CFAP299: variants seen among roughly 807,000 people sequenced by gnomAD.
CFAP299 encodes the protein cilia and flagella associated protein 299, also known as cilia- and flagella-associated protein 299.
Under a neutral mutation model 27.0 loss-of-function variants are expected in CFAP299, and 21 were observed. The observed-to-expected ratio is 0.78, with a 90% CI of 0.55 to 1.12. The LOEUF (loss-of-function observed/expected upper bound fraction) is 1.12. CFAP299 is among the 50% of genes most tolerant of loss of function. The pLI is 0.00. For missense variants in CFAP299, 310 were observed against 276.6 expected (o/e 1.12, Z -0.86); for synonymous variants, 104 against 98.1 (o/e 1.06, Z -0.36).
chr4:80,834,628 G>T (rs1046232065), intron 3 of CFAP299, among the ~76,000 whole-genome samples: 1 of 152,206 alleles, frequency 6.6e-6, no homozygotes, highest in African/African-American at 2.4e-5. Flanking sequence ...GAATTGCTAT[G>T]ATGGAAAAGG....
rs554371343 is a variant in CFAP299, at chr4:80,787,743, C to T, written c.334-82250C>T. On this transcript the variant is annotated intron_variant, in intron 3 of 5. Coordinates refer to ENST00000358105, the MANE Select transcript of CFAP299 (RefSeq NM_152770.3). ...AGGCATATGGGTAGACTACAGCCCA[C>T]CTAATTCTAATTTATCTATTGCCAC... Among the ~76,000 whole-genome samples, 14 of 152,102 alleles carry T rather than the reference C, an allele frequency of 9.2e-5. No homozygotes were observed. In the East Asian group the frequency reaches 1.7e-3, roughly 19 times the overall value.
intron 2 of CFAP299, among the ~76,000 whole-genome samples, chr4:80,372,160 C>T (rs1048875858): frequency 1.3e-5 from 2 of 152,188 alleles, no homozygotes; most frequent in African/African-American, 4.8e-5. Context: ...GGGAAGCCAG[C>T]ATTTCACACA....
chr4:80,935,930 A>G (rs999090350), intron 4 of CFAP299, among the ~76,000 whole-genome samples: 1 of 152,222 alleles, frequency 6.6e-6, no homozygotes, highest in Non-Finnish European at 1.5e-5. Flanking sequence ...ACAAAAGTAG[A>G]CATACATGCA....
At chr4:80,463,886 A>C (rs1327461613) in intron 2 of CFAP299, among the ~76,000 whole-genome samples, 1 of 152,066 alleles carries the variant, frequency 6.6e-6, no homozygotes, top group Non-Finnish European at 1.5e-5. Context: ...TCCATGTATA[A>C]CTTCACATGC....
chr4:80,867,587 T>G (rs1330113018), intron 3 of CFAP299, among the ~76,000 whole-genome samples: 1 of 152,180 alleles, frequency 6.6e-6, no homozygotes, highest in Non-Finnish European at 1.5e-5. Context: ...GTTGGCAGAT[T>G]TGGTTTCTTA....
intron 3 of CFAP299, chr4:80,790,650 C>G (rs1260633422): frequency 6.6e-6 from 1 of 152,032 alleles, no homozygotes. Context: ...TGGGTTCCTA[C>G]TATGCTGGCA....
intron 3 of CFAP299, among the ~76,000 whole-genome samples, chr4:80,867,101 T>A (rs1360066557): frequency 6.6e-6 from 1 of 152,200 alleles, no homozygotes; most frequent in Non-Finnish European, 1.5e-5. Context: ...TATATGTTCT[T>A]CTAGTTCTAT....
chr4:80,949,320 T>C (rs1034540491), intron 5 of CFAP299, among the ~76,000 whole-genome samples: 3 of 152,122 alleles, frequency 2.0e-5, no homozygotes, highest in Admixed American at 6.6e-5. Context: ...CAGAAAATGA[T>C]ACATTGCACA....
At chr4:80,374,015 T>A (rs1391333861) in intron 2 of CFAP299, among the ~76,000 whole-genome samples, 2 of 152,228 alleles carry the variant, frequency 1.3e-5, no homozygotes, top group Non-Finnish European at 2.9e-5. Context: ...TTTTCCTCTC[T>A]TCTTCAAAAG....
intron 3 of CFAP299, among the ~76,000 whole-genome samples, chr4:80,738,693 A>G (rs72864891): frequency 0.074 from 11,013 of 149,468 alleles, 476 homozygotes; most frequent in Middle Eastern, 0.093. Context: ...CAACCACTCT[A>G]TGTCTTTGCT....
chr4:80,356,334 A>T (rs1038590363), intron 1 of CFAP299, among the ~76,000 whole-genome samples: 1 of 152,098 alleles, frequency 6.6e-6, no homozygotes, highest in East Asian at 1.9e-4. Flanking sequence ...TTTTAGTTCC[A>T]TATGTATTTT....
At chr4:80,793,879 C>A (rs889505100) in intron 3 of CFAP299, among the ~76,000 whole-genome samples, 1 of 152,162 alleles carries the variant, frequency 6.6e-6, no homozygotes, top group African/African-American at 2.4e-5. Context: ...ACTACCTCGT[C>A]TACTATCCAT....
At chr4:80,614,776 T>A (rs1367503181) in intron 3 of CFAP299, among the ~76,000 whole-genome samples, 1 of 151,872 alleles carries the variant, frequency 6.6e-6, no homozygotes, top group African/African-American at 2.4e-5. Context: ...TTATTAAACA[T>A]TTTGTAAAAA....
intron 2 of CFAP299, among the ~76,000 whole-genome samples, chr4:80,580,937 C>T (rs186047184): frequency 6.6e-6 from 1 of 152,074 alleles, no homozygotes; most frequent in Admixed American, 6.6e-5. Flanking sequence ...GATGTTTCAT[C>T]AGTGTCTCAG....
chr4:80,843,918 A>G (rs1731013764), intron 3 of CFAP299, among the ~76,000 whole-genome samples: 1 of 151,746 alleles, frequency 6.6e-6, no homozygotes. Context: ...CACTCTCCAC[A>G]ATAGTCCCCG....
At chr4:80,793,087 A>G (rs773383815) in intron 3 of CFAP299, among the ~76,000 whole-genome samples, 1 of 149,936 alleles carries the variant, frequency 6.7e-6, no homozygotes, top group Non-Finnish European at 1.5e-5. Context: ...GGATATTTAT[A>G]TCCTATTAGT....
At chr4:80,362,935 G>A in intron 2 of CFAP299, 51 bp downstream of exon 2, 1 of 1,533,968 alleles carries the variant, frequency 6.5e-7, no homozygotes, top group Non-Finnish European at 8.7e-7. Flanking sequence ...CTAGACCTCT[G>A]GAGTAATTCA....
intron 3 of CFAP299, among the ~76,000 whole-genome samples, chr4:80,689,053 A>G (rs1720447721): frequency 6.6e-6 from 1 of 152,236 alleles, no homozygotes; most frequent in African/African-American, 2.4e-5. Context: ...GAAAAGACCA[A>G]ATATACGTCT....
At chr4:80,409,039 A>G (rs1726578160) in intron 2 of CFAP299, among the ~76,000 whole-genome samples, 1 of 142,288 alleles carries the variant, frequency 7.0e-6, no homozygotes, top group Non-Finnish European at 1.5e-5. Context: ...GACTCTTTCA[A>G]AAAAAAAAAA....
Sources: gnomAD v4.1 joint callset for allele counts (sites outside exome capture counted in the v4.1 genomes callset) on GRCh38, gnomAD v4.1.1 for gene constraint, MANE v1.5 for transcripts, NCBI Gene and HGNC (gene_info 2026-07-23, HGNC 2026-07-21) for gene names.